Variants in COX7A2L observed in about 807,000 individuals in gnomAD.
The protein encoded by COX7A2L is cytochrome c oxidase subunit 7A2 like, also known as cytochrome c oxidase subunit 7A2-like, mitochondrial.
Under a neutral mutation model 14.2 loss-of-function variants are expected in COX7A2L, and 18 were observed. The ratio of observed to expected loss-of-function variants is 1.27; its 90% CI spans 0.88 to 1.88. The LOEUF (loss-of-function observed/expected upper bound fraction) is 1.88, where lower values mean the gene tolerates loss of function less well. Ranked by LOEUF, COX7A2L falls within the 40% of genes most tolerant of loss-of-function variation. The pLI is 0.00. For synonymous variants in COX7A2L, 65 were observed against 57.4 expected, an observed-to-expected ratio of 1.13 and a Z score of -0.60; for missense variants, 179 against 138.8, an observed-to-expected ratio of 1.29 and a Z score of -1.46.
intron 1 of COX7A2L, among the ~76,000 whole-genome samples, chr2:42,353,827 A>G (rs954584887): frequency 6.6e-6 from 1 of 152,248 alleles, no homozygotes; most frequent in African/African-American, 2.4e-5. Flanking sequence ...AAACAAAATC[A>G]AAACAAAAAA....
At position 42,342,161 on chromosome 2, in the gene COX7A2L, T is replaced by G. The variant is rs541019057; in HGVS notation, c.193-8292A>C. Among the ~76,000 whole-genome samples the G allele has an allele frequency of 1.2e-3, 188 of 152,242 alleles. No individual in the cohort carries two copies. Among genetic ancestry groups the G allele is most frequent in the Middle Eastern group, 3.4e-3 (1 of 294 alleles). ...GAGAGGCTGAGCTGAGCAACCACGCTGCCTCCATGCTTGAGCTCAGGGCTC... is the reference window on the plus strand; with the variant it reads ...GAGAGGCTGAGCTGAGCAACCACGCGGCCTCCATGCTTGAGCTCAGGGCTC... On this transcript the variant is annotated intron_variant, in intron 2 of 2. Transcript: ENST00000468711. The surrounding 1 kb of genome is among the most constrained non-coding windows in gnomAD (Gnocchi z 4.9).
rs1047124 is a variant in COX7A2L at position 42,350,585 on chromosome 2, T to C, written c.*634A>G. The C allele has an allele frequency of 6.6e-6, 1 of 152,212 alleles. No individual in the cohort carries two copies. Among genetic ancestry groups the C allele is most frequent in the Non-Finnish European group, 1.5e-5 (1 of 68,032 alleles). 9.4% of individuals were successfully genotyped at this position (152,212 alleles called of 1,614,324 possible). A position where few individuals can be genotyped will look rare whatever the true frequency, so the allele number is the denominator to read the frequency against. On this transcript the variant is annotated 3_prime_UTR_variant, in exon 3 of 3. Transcript: ENST00000234301. Reference sequence around the variant, plus strand: ...TTTTTAAAAGATAAAGGAGAATTTGTGGCACAGCTGCATTAACAAAACAGA... The same window carrying C: ...TTTTTAAAAGATAAAGGAGAATTTGCGGCACAGCTGCATTAACAAAACAGA...
downstream of COX7A2L, among the ~76,000 whole-genome samples, chr2:42,345,897 A>G (rs1387631539): frequency 6.6e-6 from 1 of 152,168 alleles, no homozygotes; most frequent in Non-Finnish European, 1.5e-5. Flanking sequence ...TCTCATCCAG[A>G]CAGCACTGAG....
intron 2 of COX7A2L, among the ~76,000 whole-genome samples, chr2:42,340,356 G>C (rs1283378576): frequency 6.6e-6 from 1 of 152,142 alleles, no homozygotes; most frequent in Non-Finnish European, 1.5e-5. Flanking sequence ...GCCCCCATCA[G>C]CTCTCATAAC....
rs200842940 is a variant in COX7A2L at position 42,361,176 on chromosome 2, G to T, written c.-15C>A. 1.3e-6 allele frequency: 2 copies of T among 1,599,732 alleles called. No homozygotes were observed. Among genetic ancestry groups the T allele is most frequent in the South Asian group, 2.2e-5 (2 of 89,404 alleles). The stretch of plus-strand genomic sequence containing the variant: ...TTGTAGTACATGACGCCCAGAGTCC[G>T]GCTTCCCGCATCCGCTGCCAACGCG... On this transcript the variant is annotated 5_prime_UTR_variant, in exon 1 of 3. Transcript: ENST00000234301.
intron 2 of COX7A2L, among the ~76,000 whole-genome samples, chr2:42,335,913 C>A (rs1316869094): frequency 4.6e-5 from 7 of 152,234 alleles, no homozygotes; most frequent in Admixed American, 2.6e-4. Flanking sequence ...CCTACAACCA[C>A]AGCATGGGGC....
downstream of COX7A2L, among the ~76,000 whole-genome samples, chr2:42,348,667 C>T (rs1403059526): frequency 6.6e-6 from 1 of 152,054 alleles, no homozygotes; most frequent in East Asian, 1.9e-4. Context: ...GCCTGTAATC[C>T]CAGCACTTTA....
chr2:42,340,633 C>A (rs929120039), intron 2 of COX7A2L, among the ~76,000 whole-genome samples: 2 of 152,112 alleles, frequency 1.3e-5, no homozygotes, highest in Admixed American at 6.5e-5. Flanking sequence ...ACCCGAGATG[C>A]CCTCACACCT....
Position 42,351,086 on chromosome 2 carries a change from A to T in COX7A2L, c.*133T>A. On this transcript the variant is annotated 3_prime_UTR_variant, in exon 3 of 3. Coordinates refer to ENST00000234301, the MANE Select transcript of COX7A2L (RefSeq NM_004718.4). ...CATTTCATAAACAAACCAAAACATCATCTTCATATCTTCCTATTTTTCTTG... is the reference window on the plus strand; with the variant it reads ...CATTTCATAAACAAACCAAAACATCTTCTTCATATCTTCCTATTTTTCTTG... The T allele has an allele frequency of 1.0e-6, 1 of 996,002 alleles. No homozygotes were observed. The highest frequency in any genetic ancestry group is 1.4e-6 in the Non-Finnish European group (1 of 700,080). The allele number at this position is 996,002 out of a possible 1,614,324, so 61.7% of individuals were successfully genotyped here.
At chr2:42,345,060 A>C (rs535324591), downstream of COX7A2L, among the ~76,000 whole-genome samples, 46 of 152,214 alleles carry the variant, frequency 3.0e-4, 1 homozygote, top group Non-Finnish European at 2.4e-4. Context: ...TGAACTCCTG[A>C]GTTATAAGTC....
chr2:42,360,225 G>T (rs1261045136), intron 1 of COX7A2L, among the ~76,000 whole-genome samples: 1 of 152,174 alleles, frequency 6.6e-6, no homozygotes, highest in Non-Finnish European at 1.5e-5. Flanking sequence ...AGCTTCTGGT[G>T]AACAGTTAAC....
At chr2:42,345,888 C>T (rs1158376129), downstream of COX7A2L, among the ~76,000 whole-genome samples, 2 of 152,142 alleles carry the variant, frequency 1.3e-5, no homozygotes, top group African/African-American at 4.8e-5. Context: ...TTAACAGCAT[C>T]TCATCCAGAC....
At chr2:42,353,027 T>C in intron 2 of COX7A2L, 185 bp downstream of exon 2, 3 of 687,718 alleles carry the variant, frequency 4.4e-6, no homozygotes, top group Non-Finnish European at 7.1e-6. Context: ...CACCCTCCCC[T>C]CTTTTATCAG....
At chr2:42,351,381 G>A (rs1228140454) in intron 2 of COX7A2L, 22 bp from the exon 3 acceptor site, 1 of 1,607,634 alleles carries the variant, frequency 6.2e-7, no homozygotes, top group Admixed American at 1.7e-5. Context: ...GAATTAACAA[G>A]GGCATGGTTG....
upstream of COX7A2L, among the ~76,000 whole-genome samples, chr2:42,364,143 C>T (rs1304827327): frequency 6.6e-6 from 1 of 150,740 alleles, no homozygotes; most frequent in African/African-American, 2.4e-5. Context: ...CCCAGCTACT[C>T]GGGAGGCTGA....
chr2:42,366,291 T>G (rs1182374687), intron 1 of COX7A2L, among the ~76,000 whole-genome samples: 1 of 152,076 alleles, frequency 6.6e-6, no homozygotes, highest in Non-Finnish European at 1.5e-5. Flanking sequence ...TCGGGCGTGA[T>G]TGCACACCTG....
chr2:42,339,677 AT>A lies in COX7A2L; in HGVS notation c.193-5809del, dbSNP rs1235080378. 1.3e-5 allele frequency among the ~76,000 whole-genome samples: 2 copies of A among 152,040 alleles called. No homozygotes were observed. Among genetic ancestry groups the A allele is most frequent in the African/African-American group, 4.8e-5 (2 of 41,374 alleles). On this transcript the variant is annotated intron_variant, in intron 2 of 2. Transcript: ENST00000468711. This position sits in a 1 kb window ranked among gnomAD's most constrained non-coding sequence, Gnocchi z 5.4. ...CCAATAAAGTGCAGAATCTCAGCGC[AT>A]TGTGCACACATATACACCCACACAG...
chr2:42,363,015 C>T (rs575183527), upstream of COX7A2L, among the ~76,000 whole-genome samples: 116 of 152,018 alleles, frequency 7.6e-4, 2 homozygotes, highest in South Asian at 0.024. Flanking sequence ...GCTGGAACCA[C>T]AGATGCGCGC....
At chr2:42,365,500 A>G (rs112989187), upstream of COX7A2L, among the ~76,000 whole-genome samples, 2,027 of 152,178 alleles carry the variant, frequency 0.013, 43 homozygotes, top group African/African-American at 0.045. Context: ...GGTGGCATGC[A>G]TCTGTAATCC....
Sources: gnomAD v4.1 joint callset for allele counts (sites outside exome capture counted in the v4.1 genomes callset) on GRCh38, gnomAD v4.1.1 for gene constraint, Gnocchi (gnomAD v3.1) non-coding constraint, MANE v1.5 for transcripts, NCBI Gene and HGNC (gene_info 2026-07-23, HGNC 2026-07-21) for gene names.